ADORA3: variants seen among roughly 807,000 people sequenced by gnomAD.
ADORA3 encodes the protein adenosine receptor A3.
Under a neutral mutation model 5.7 loss-of-function variants are expected in ADORA3, and 3 were observed. The observed-to-expected ratio is 0.52, with a 90% CI of 0.24 to 1.35. The LOEUF (loss-of-function observed/expected upper bound fraction) is 1.35, where lower values mean the gene tolerates loss of function less well. Among genes scored for constraint, ADORA3 ranks in the 40% most tolerant of loss-of-function variants. The pLI is 0.17. For missense variants in ADORA3, 343 were observed against 389.0 expected (o/e 0.88, Z 0.99); for synonymous variants, 168 against 152.3 (o/e 1.10, Z -0.76).
intron 1 of ADORA3, among the ~76,000 whole-genome samples, chr1:111,502,613 C>T (rs1655297134): frequency 6.7e-6 from 1 of 150,020 alleles, no homozygotes; most frequent in South Asian, 2.1e-4. Flanking sequence ...TTTATCTCCT[C>T]TTATGTTTAT....
chr1:111,500,067 G>A lies in ADORA3; in HGVS notation c.840C>T (p.Ile280=), dbSNP rs760952472. The A allele has an allele frequency of 6.2e-6, 10 of 1,614,090 alleles. No individual in the cohort carries two copies. The highest frequency in any genetic ancestry group is 2.7e-5 in the African/African-American group (2 of 74,932). The change falls in exon 2 of 2, where the codon ATC becomes ATT. Residue 280 remains isoleucine, a synonymous_variant. Transcript: ENST00000241356. ...ACTTCTTTATTTTATAGGCATAGAC[G>A]ATAGGGTTCATCATGGAGTTGGCAT... The part of the protein sequence containing the change: ...LSHANSMMNP[I]VYAYKIKKFK...
In ADORA3 at chr1:111,503,082, A is replaced by T. The variant is rs1655333376; in HGVS notation, c.273T>A (p.Leu91=). Residue 91 remains leucine (L), a synonymous_variant, in exon 1 of 2, where the codon CTT becomes CTA. Transcript: ENST00000241356. ...YSCLFMTCLL[L]IFTHASIMSL... is the part of the protein sequence containing the mutation. ...ACATGATGGAGGCGTGGGTAAAGAT[A>T]AGCAGTAGGCAAGTCATAAAAAGGC... 6.2e-7 allele frequency: 1 copy of T among 1,614,108 alleles called. No homozygotes were observed. The highest frequency in any genetic ancestry group is 1.3e-5 in the African/African-American group (1 of 74,934).
In ADORA3 at chr1:111,500,132, C is replaced by T; in HGVS notation, c.775G>A (p.Val259Ile). 6.2e-7 allele frequency: 1 copy of T among 1,614,084 alleles called. No homozygotes were observed. Among genetic ancestry groups the T allele is most frequent in the Non-Finnish European group, 8.5e-7 (1 of 1,179,996 alleles). The change falls in exon 2 of 2, where the codon GTA becomes ATA. Residue 259 changes from valine to isoleucine, a missense_variant. By Grantham distance (29) the Val-to-Ile change is conservative (BLOSUM62 3). Transcript: ENST00000241356. ...CCCATGTACAGCACAAGCTGTGGTA[C>T]CTCACCATTAAAGTAGATGATGCAG... The part of the protein sequence containing the change: ...INCIIYFNGE[V>I]PQLVLYMGIL...
chr1:111,502,238 AG>A (rs1264638919), intron 1 of ADORA3, among the ~76,000 whole-genome samples: 1 of 35,314 alleles, frequency 2.8e-5, no homozygotes, highest in Admixed American at 4.1e-4. Context: ...ATGAATATAT[AG>A]GATATATTTA....
chr1:111,501,122 T>C (rs1161321692), intron 1 of ADORA3: 1 of 154,966 alleles, frequency 6.5e-6, no homozygotes, highest in Non-Finnish European at 1.4e-5. Flanking sequence ...CTGCTGTTCT[T>C]GGCACTGTTC....
intron 1 of ADORA3, among the ~76,000 whole-genome samples, chr1:111,501,887 G>C (rs923183003): frequency 6.6e-6 from 1 of 151,432 alleles, no homozygotes; most frequent in Non-Finnish European, 1.5e-5. Flanking sequence ...GGTCACCCGG[G>C]GAAGTAGATT....
Position 111,503,043 on chromosome 1 carries a change from G to C in ADORA3, c.312C>G (p.Ile104Met). The change falls in exon 1 of 2, where the codon ATC becomes ATG. Residue 104 changes from isoleucine to methionine, a missense_variant. Transcript: ENST00000241356. ...TGACCCGCAAGTATCGGTCCACAGC[G>C]ATGGCCAGCAAGGACATGATGGAGG... ...THASIMSLLA[I>M]AVDRYLRVKL... 6.2e-7 allele frequency: 1 copy of C among 1,614,170 alleles called. No individual in the cohort carries two copies. The highest frequency in any genetic ancestry group is 8.5e-7 in the Non-Finnish European group (1 of 1,180,042).
intron 1 of ADORA3, chr1:111,500,877 C>G (rs544421530): frequency 4.4e-6 from 2 of 450,894 alleles, no homozygotes; most frequent in South Asian, 1.4e-4. Context: ...ACTCAGGGCT[C>G]CACTTACTGA....
In ADORA3 at chr1:111,499,705, T is replaced by C. The variant is rs1557821814; in HGVS notation, c.*245A>G. The C allele has an allele frequency of 8.3e-6, 11 of 1,318,556 alleles. No homozygotes were observed. The East Asian group carries it at 3.5e-4, about 42-fold the overall frequency. 81.7% of individuals were successfully genotyped at this position (1,318,556 alleles called of 1,614,324 possible). A position where few individuals can be genotyped will look rare whatever the true frequency, so the allele number is the denominator to read the frequency against. On this transcript the variant is annotated 3_prime_UTR_variant, in exon 2 of 2. Transcript: ENST00000241356. ...GAAGGAAAACAGACAATAATATCAATAATACGTTGTCCCCAAGTCAGGCCT... is the reference window on the plus strand; with the variant it reads ...GAAGGAAAACAGACAATAATATCAACAATACGTTGTCCCCAAGTCAGGCCT...
intron 1 of ADORA3, chr1:111,501,406 A>AT (rs1655166536): frequency 6.6e-6 from 1 of 152,202 alleles, no homozygotes; most frequent in South Asian, 2.1e-4. Flanking sequence ...GTATCAGTAG[A>AT]TTTTTATCTC....
At chr1:111,501,311 A>G (rs1370800942) in intron 1 of ADORA3, 1 of 152,270 alleles carries the variant, frequency 6.6e-6, no homozygotes, top group Non-Finnish European at 1.5e-5. Context: ...AAAGGACAGT[A>G]AGAGTAAGAG....
chr1:111,503,063 T>C lies in ADORA3; in HGVS notation c.292A>G (p.Ile98Val). The C allele has an allele frequency of 6.2e-7, 1 of 1,614,140 alleles. No individual in the cohort carries two copies. The highest frequency in any genetic ancestry group is 8.5e-7 in the Non-Finnish European group (1 of 1,180,038). ...ACAGCGATGGCCAGCAAGGACATGA[T>C]GGAGGCGTGGGTAAAGATAAGCAGT... ...CLLLIFTHAS[I>V]MSLLAIAVDR... The change falls in exon 1 of 2, where the codon ATC becomes GTC. Residue 98 changes from isoleucine (I) to valine (V), a missense_variant. Physicochemically the swap from Ile to Val is conservative, Grantham distance 29. Coordinates refer to ENST00000241356, the MANE Select transcript of ADORA3 (RefSeq NM_000677.4).
In ADORA3 at chr1:111,503,554, C is replaced by T; in HGVS notation, c.-200G>A. 1 of 1,402,788 alleles carries T rather than the reference C, an allele frequency of 7.1e-7. No homozygotes were observed. The highest frequency in any genetic ancestry group is 9.3e-7 in the Non-Finnish European group (1 of 1,079,712). 86.9% of individuals were successfully genotyped at this position (1,402,788 alleles called of 1,614,324 possible). ...CCTTCTCCTTAGAAAGGGCTCATCA[C>T]AGGTGGGTCACTTCCAGCCCCTTTA... On this transcript the variant is annotated 5_prime_UTR_variant, in exon 1 of 2. The change creates a new upstream start codon in the 5' untranslated region. Transcript: ENST00000241356.
chr1:111,501,370 C>T (rs1174667196), intron 1 of ADORA3: 1 of 151,990 alleles, frequency 6.6e-6, no homozygotes, highest in Non-Finnish European at 1.5e-5. Context: ...CTATACAGAC[C>T]ACAAAAAGGA....
In ADORA3 at chr1:111,503,087, G is replaced by C. The variant is rs77883500; in HGVS notation, c.268C>G (p.Leu90Val). ...ATGGAGGCGTGGGTAAAGATAAGCA[G>C]TAGGCAAGTCATAAAAAGGCAGCTG... ...FYSCLFMTCL[L>V]LIFTHASIMS... Residue 90 changes from leucine to valine, a missense_variant, in exon 1 of 2, where the codon CTG becomes GTG. Coordinates refer to ENST00000241356, the MANE Select transcript of ADORA3 (RefSeq NM_000677.4). 2.4e-3 allele frequency: 3,938 copies of C among 1,614,196 alleles called. 88 individuals are homozygous for C. The African/African-American group carries it at 0.045, about 19-fold the overall frequency.
rs771934087 is a variant in ADORA3, at chr1:111,503,187, C to T, written c.168G>A (p.Leu56=). Residue 56 remains leucine (L), a synonymous_variant, in exon 1 of 2, where the codon CTG becomes CTA. Coordinates refer to ENST00000241356, the MANE Select transcript of ADORA3 (RefSeq NM_000677.4). ...TTFYFIVSLA[L]ADIAVGVLVM... is the part of the protein sequence containing the mutation. ...CCAGCACCCCAACAGCAATGTCAGC[C>T]AGGGCTAGAGAGACAATGAAATAGA... 2.5e-6 allele frequency: 4 copies of T among 1,614,226 alleles called. No homozygotes were observed. Among genetic ancestry groups the T allele is most frequent in the Non-Finnish European group, 3.4e-6 (4 of 1,180,048 alleles).
chr1:111,503,068 G>C lies in ADORA3; in HGVS notation c.287C>G (p.Ala96Gly), dbSNP rs370388667. Residue 96 changes from alanine (A) to glycine (G), a missense_variant, in exon 1 of 2, where the codon GCC becomes GGC. Transcript: ENST00000241356. ...MTCLLLIFTH[A>G]SIMSLLAIAV... The stretch of plus-strand genomic sequence containing the variant: ...GATGGCCAGCAAGGACATGATGGAG[G>C]CGTGGGTAAAGATAAGCAGTAGGCA... 9 of 1,614,128 alleles carry C rather than the reference G, an allele frequency of 5.6e-6. No individual in the cohort carries two copies. In the African/African-American group the frequency reaches 1.2e-4, roughly 22 times the overall value.
In ADORA3 at chr1:111,500,262, G is replaced by C. The variant is rs546290963; in HGVS notation, c.645C>G (p.Ser215=). The C allele has an allele frequency of 2.5e-6, 4 of 1,614,174 alleles. No homozygotes were observed. The African/African-American group carries it at 4.0e-5, about 16-fold the overall frequency. Residue 215 remains serine, a synonymous_variant, in exon 2 of 2, where the codon TCC becomes TCG. Coordinates refer to ENST00000241356, the MANE Select transcript of ADORA3 (RefSeq NM_000677.4). ...GTCCATAAAATGCACCTGTCTCTTTGGAGTTAGATAAGTTCAGACTGAGTT... is the reference window on the plus strand; with the variant it reads ...GTCCATAAAATGCACCTGTCTCTTTCGAGTTAGATAAGTTCAGACTGAGTT... The part of the protein sequence containing the change: ...RNKLSLNLSN[S]KETGAFYGRE...
chr1:111,502,034 T>C (rs1655204748), intron 1 of ADORA3, among the ~76,000 whole-genome samples: 2 of 141,704 alleles, frequency 1.4e-5, no homozygotes, highest in African/African-American at 5.2e-5. Context: ...ATATTATATA[T>C]AGGATATATA....
Sources: allele counts gnomAD v4.1 joint callset (sites outside exome capture counted in the v4.1 genomes callset), GRCh38; gene constraint gnomAD v4.1.1; transcripts MANE v1.5; gene names NCBI Gene and HGNC (gene_info 2026-07-23, HGNC 2026-07-21).